FHIP1A: variants seen among roughly 807,000 people sequenced by gnomAD.
FHIP1A encodes the protein FHF complex subunit HOOK-interacting protein 1A.
A neutral mutation model predicts 88.6 loss-of-function variants in FHIP1A; 61 were observed. The ratio of observed to expected loss-of-function variants is 0.69; its 90% confidence interval spans 0.56 to 0.85. FHIP1A has a LOEUF of 0.85. FHIP1A is among the 40% of genes least tolerant of loss of function. The pLI, the probability that FHIP1A is intolerant of heterozygous loss-of-function variation, is 0.00. For synonymous variants in FHIP1A, 478 were observed against 496.0 expected (o/e 0.96, Z 0.48); for missense variants, 1,154 against 1,273.5 (o/e 0.91, Z 1.43).
chr4:151,663,884 C>T lies in FHIP1A; in HGVS notation c.*1130C>T, dbSNP rs1253572890. 6.6e-6 allele frequency among the ~76,000 whole-genome samples: 1 copy of T among 152,172 alleles called. No homozygotes were observed. The highest frequency in any genetic ancestry group is 1.5e-5 in the Non-Finnish European group (1 of 68,044). ...GACTCACTCTGCATGGAAATGCTGC[C>T]TTCCGAGTAATGGGGTTCATTAGAA... On this transcript the variant is annotated 3_prime_UTR_variant, in exon 14 of 14. Coordinates refer to ENST00000435205, the MANE Select transcript of FHIP1A (RefSeq NM_001109977.3).
chr4:151,609,558 A>G (rs1188072066), intron 7 of FHIP1A, among the ~76,000 whole-genome samples: 3 of 149,318 alleles, frequency 2.0e-5, no homozygotes, highest in African/African-American at 7.3e-5. Flanking sequence ...TAATAGAAGC[A>G]ATTGGAACAT....
At chr4:151,430,850 A>G (rs546487323) in intron 1 of FHIP1A, among the ~76,000 whole-genome samples, 2 of 152,320 alleles carry the variant, frequency 1.3e-5, no homozygotes, top group East Asian at 1.9e-4. Context: ...TTTTGGTAGG[A>G]AGCCTTAGTT....
At chr4:151,573,763 G>A (rs1033642848) in intron 4 of FHIP1A, among the ~76,000 whole-genome samples, 2 of 151,946 alleles carry the variant, frequency 1.3e-5, no homozygotes, top group Non-Finnish European at 2.9e-5. Flanking sequence ...GTATGTGGGT[G>A]GAACTCTCAG....
rs535441285 is a variant in FHIP1A, at chr4:151,607,603, G to T, written c.978+18677G>T. On this transcript the variant is annotated intron_variant, in intron 7 of 13. Transcript: ENST00000435205. ...TTTTGGGAAGCTGCCTAGCTTGACA[G>T]TTCAAGAAATGGGTTTTGAGTTAGC... 5.3e-5 allele frequency among the ~76,000 whole-genome samples: 8 copies of T among 152,306 alleles called. 1 individual carries two copies. Among genetic ancestry groups the T allele is most frequent in the Admixed American group, 2.6e-4 (4 of 15,288 alleles).
chr4:151,622,175 C>T (rs1431621870), intron 7 of FHIP1A, among the ~76,000 whole-genome samples: 2 of 152,162 alleles, frequency 1.3e-5, no homozygotes, highest in Admixed American at 1.3e-4. Flanking sequence ...GGGGAACTGA[C>T]AGCCTAGAAA....
At position 151,668,572 on chromosome 4, in the gene FHIP1A, T is replaced by C. The variant is rs1737747857; in HGVS notation, c.*5818T>C. ...AGACAGGAACAGAAGTTCACTGTGA[T>C]GTGTGACCCTGGACAGAGATCAAAC... On this transcript the variant is annotated 3_prime_UTR_variant, in exon 14 of 14. Transcript: ENST00000435205. Among the ~76,000 whole-genome samples, 1 of 152,248 alleles carries C rather than the reference T, an allele frequency of 6.6e-6. No homozygotes were observed. The highest frequency in any genetic ancestry group is 2.4e-5 in the African/African-American group (1 of 41,460).
chr4:151,649,871 C>T lies in FHIP1A; in HGVS notation c.1830C>T (p.Pro610=). The part of the protein sequence containing the change: ...DDLEVSGPPA[P]IDPPKHIQEM... ...TGGAGGTTTCAGGCCCCCCAGCACC[C>T]ATTGATCCCCCCAAACACATCCAGG... Residue 610 remains proline (P), a synonymous_variant, in exon 11 of 14, where the codon CCC becomes CCT. Coordinates refer to ENST00000435205, the MANE Select transcript of FHIP1A (RefSeq NM_001109977.3). 1 of 1,551,574 alleles carries T rather than the reference C, an allele frequency of 6.4e-7. No homozygotes were observed. The highest frequency in any genetic ancestry group is 8.7e-7 in the Non-Finnish European group (1 of 1,146,964).
intron 3 of FHIP1A, among the ~76,000 whole-genome samples, chr4:151,530,772 C>T (rs1361405702): frequency 6.6e-6 from 1 of 152,188 alleles, no homozygotes; most frequent in Admixed American, 6.5e-5. Flanking sequence ...ATTTAATTCT[C>T]TGCTCTGAAA....
At chr4:151,432,917 A>G (rs1733648835) in intron 1 of FHIP1A, among the ~76,000 whole-genome samples, 1 of 152,160 alleles carries the variant, frequency 6.6e-6, no homozygotes, top group African/African-American at 2.4e-5. Context: ...TGAGAGGACT[A>G]GAAAGTGCTT....
chr4:151,419,565 ATTCTTTTTTTTTTT>A (rs1236805428), intron 1 of FHIP1A, among the ~76,000 whole-genome samples: 3 of 32,712 alleles, frequency 9.2e-5, no homozygotes, highest in South Asian at 1.4e-3. Flanking sequence ...TCTGTTCCTC[ATTCTTTTTTTTTTT>A]TTTTTTTTTT....
chr4:151,514,254 A>G (rs1235017158), intron 3 of FHIP1A, among the ~76,000 whole-genome samples: 1 of 152,128 alleles, frequency 6.6e-6, no homozygotes, highest in Non-Finnish European at 1.5e-5. Flanking sequence ...TTTGAAACCA[A>G]TGAGAACAAA....
At chr4:151,566,493 C>T in intron 4 of FHIP1A, 129 bp downstream of exon 4, 1 of 615,168 alleles carries the variant, frequency 1.6e-6, no homozygotes, top group Non-Finnish European at 2.9e-6. Context: ...GAAACTCTTT[C>T]AGATAGGAAG....
intron 7 of FHIP1A, among the ~76,000 whole-genome samples, chr4:151,609,892 A>T (rs867124025): frequency 1.3e-5 from 2 of 152,210 alleles, no homozygotes; most frequent in East Asian, 3.8e-4. Flanking sequence ...CCAAAAAAAA[A>T]CAAAAAACCC....
intron 3 of FHIP1A, among the ~76,000 whole-genome samples, chr4:151,483,520 T>G (rs1464339431): frequency 1.3e-5 from 2 of 152,124 alleles, no homozygotes; most frequent in Non-Finnish European, 2.9e-5. Context: ...CTACCTAGGA[T>G]CTTTGTAGTT....
intron 3 of FHIP1A, among the ~76,000 whole-genome samples, chr4:151,494,593 G>C (rs1730394688): frequency 6.6e-6 from 1 of 152,134 alleles, no homozygotes; most frequent in Non-Finnish European, 1.5e-5. Context: ...ATGGTTTAAA[G>C]TCTGGTAACA....
At chr4:151,506,421 G>A (rs1030087658) in intron 3 of FHIP1A, among the ~76,000 whole-genome samples, 6 of 152,134 alleles carry the variant, frequency 3.9e-5, no homozygotes, top group Non-Finnish European at 2.9e-5. Context: ...ACCTGAGGCC[G>A]AGTTATTTAT....
intron 6 of FHIP1A, among the ~76,000 whole-genome samples, chr4:151,587,862 A>G (rs996716545): frequency 2.6e-5 from 4 of 152,060 alleles, no homozygotes; most frequent in East Asian, 3.8e-4. Context: ...CAGTCTATCA[A>G]CCTATCAACA....
At chr4:151,522,913 G>C (rs1416114180) in intron 3 of FHIP1A, among the ~76,000 whole-genome samples, 2 of 152,182 alleles carry the variant, frequency 1.3e-5, no homozygotes, top group Admixed American at 6.5e-5. Context: ...GTCAAGGAGA[G>C]TGTGTTTGGT....
At chr4:151,461,400 C>T (rs1346649246) in intron 2 of FHIP1A, among the ~76,000 whole-genome samples, 1 of 152,052 alleles carries the variant, frequency 6.6e-6, no homozygotes, top group African/African-American at 2.4e-5. Flanking sequence ...GTATGGTGGG[C>T]ATGGCACTCA....
Sources: allele counts gnomAD v4.1 joint callset (sites outside exome capture counted in the v4.1 genomes callset), GRCh38; gene constraint gnomAD v4.1.1; transcripts MANE v1.5; gene names NCBI Gene and HGNC (gene_info 2026-07-23, HGNC 2026-07-21).